Variants in PCDH15 observed in about 807,000 individuals in gnomAD.
PCDH15 encodes the protein protocadherin related 15.
In PCDH15, 129 loss-of-function variants were observed where a neutral mutation model predicts 178.5. That is an observed-to-expected ratio of 0.72 (90% confidence interval 0.63 to 0.84). The LOEUF is 0.84. PCDH15 is among the 40% of genes least tolerant of loss of function. PCDH15 has a pLI of 0.00. For missense variants in PCDH15, 2,230 were observed against 2,099.9 expected (o/e 1.06, Z -1.21); for synonymous variants, 800 against 732.0 (o/e 1.09, Z -1.50).
At chr10:54,988,483 T>C (rs950093582) in intron 2 of PCDH15, among the ~76,000 whole-genome samples, 2 of 152,096 alleles carry the variant, frequency 1.3e-5, no homozygotes, top group Admixed American at 1.3e-4. Flanking sequence ...AGGTTGATAG[T>C]GATATGGACA....
intron 2 of PCDH15, among the ~76,000 whole-genome samples, chr10:55,443,720 G>C (rs1839249426): frequency 6.6e-6 from 1 of 152,154 alleles, no homozygotes; most frequent in Admixed American, 6.6e-5. Flanking sequence ...GTTGAAGACA[G>C]TGTGGTGATT....
intron 2 of PCDH15, among the ~76,000 whole-genome samples, chr10:54,588,289 C>A (rs927495922): frequency 6.6e-6 from 1 of 152,066 alleles, no homozygotes; most frequent in Non-Finnish European, 1.5e-5. Context: ...AAAGGCATCC[C>A]AACTGGTGAC....
chr10:54,097,454 G>T (rs1161500978), intron 15 of PCDH15, among the ~76,000 whole-genome samples: 1 of 152,078 alleles, frequency 6.6e-6, no homozygotes, highest in Non-Finnish European at 1.5e-5. Flanking sequence ...TTGCTGTAAG[G>T]TCACTTTCTT....
chr10:54,018,834 G>C (rs1033656754), intron 20 of PCDH15, among the ~76,000 whole-genome samples: 3 of 151,902 alleles, frequency 2.0e-5, no homozygotes, highest in African/African-American at 7.3e-5. Context: ...ATAGAAACTT[G>C]ATATCTATAG....
At chr10:55,034,244 G>A (rs1284092048) in intron 2 of PCDH15, among the ~76,000 whole-genome samples, 1 of 152,100 alleles carries the variant, frequency 6.6e-6, no homozygotes, top group Non-Finnish European at 1.5e-5. Context: ...GACCCAACAA[G>A]TGAAGGGTTA....
intron 3 of PCDH15, among the ~76,000 whole-genome samples, chr10:54,491,041 T>C (rs972299029): frequency 6.6e-6 from 1 of 152,122 alleles, no homozygotes; most frequent in Non-Finnish European, 1.5e-5. Context: ...ATGTGAACTT[T>C]AGGAAATGCA....
intron 2 of PCDH15, among the ~76,000 whole-genome samples, chr10:55,396,065 T>TA (rs35866724): frequency 1.1e-4 from 16 of 152,158 alleles, no homozygotes; most frequent in Admixed American, 2.6e-4. Flanking sequence ...ATTCGTTAGA[T>TA]AAAAAATAGA....
intron 8 of PCDH15, among the ~76,000 whole-genome samples, chr10:54,307,081 C>CATACAT (rs1564922349): frequency 5.2e-4 from 6 of 11,568 alleles, no homozygotes; most frequent in East Asian, 3.3e-3. Flanking sequence ...TATATATATA[C>CATACAT]ATATATATAT....
At chr10:54,908,042 GA>G (rs1954756636) in intron 2 of PCDH15, among the ~76,000 whole-genome samples, 1 of 152,176 alleles carries the variant, frequency 6.6e-6, no homozygotes, top group African/African-American at 2.4e-5. Flanking sequence ...ATTGTTATGG[GA>G]TCCTCAGGGT....
rs983075268 is a variant in PCDH15 at position 55,438,804 on chromosome 10, G to A, written c.-156+188821C>T. Among the ~76,000 whole-genome samples, 4 of 151,766 alleles carry A rather than the reference G, an allele frequency of 2.6e-5. 1 individual carries two copies. The highest frequency in any genetic ancestry group is 9.7e-5 in the African/African-American group (4 of 41,368). On this transcript the variant is annotated intron_variant, in intron 2 of 5. Transcript: ENST00000613346. ...TTGTTCTATTAAAGAAATCCTTCCT[G>A]AAATGGGGTCAGGGACTTTGAATCT...
chr10:54,304,282 C>T (rs1379344956), intron 8 of PCDH15, among the ~76,000 whole-genome samples: 1 of 152,040 alleles, frequency 6.6e-6, no homozygotes, highest in Non-Finnish European at 1.5e-5. Flanking sequence ...AAATTGTATT[C>T]GCCTCTATAT....
intron 1 of PCDH15, among the ~76,000 whole-genome samples, chr10:54,671,688 G>A (rs563113102): frequency 6.6e-6 from 1 of 152,214 alleles, no homozygotes; most frequent in South Asian, 2.1e-4. Flanking sequence ...TCTGGATAAT[G>A]CACTTTATAA....
intron 2 of PCDH15, among the ~76,000 whole-genome samples, chr10:54,570,310 G>A (rs1203081595): frequency 1.3e-5 from 2 of 152,044 alleles, no homozygotes; most frequent in Admixed American, 6.6e-5. Flanking sequence ...CTGGAAAGTA[G>A]AGTATTGAAA....
intron 3 of PCDH15, among the ~76,000 whole-genome samples, chr10:54,429,293 T>C (rs772056686): frequency 3.9e-5 from 6 of 152,226 alleles, no homozygotes; most frequent in Non-Finnish European, 8.8e-5. Context: ...AAGATAATAT[T>C]TGCAAGCATT....
At chr10:55,098,895 T>TGAGA (rs10535301) in intron 2 of PCDH15, among the ~76,000 whole-genome samples, 1,876 of 120,234 alleles carry the variant, frequency 0.016, 91 homozygotes, top group African/African-American at 0.059. Context: ...AAAACTTCAA[T>TGAGA]GAGAGAGAGA....
chr10:55,504,419 C>A (rs1052088136), intron 2 of PCDH15, among the ~76,000 whole-genome samples: 1 of 151,260 alleles, frequency 6.6e-6, no homozygotes, highest in Non-Finnish European at 1.5e-5. Context: ...TAAATGAGGT[C>A]TCAAAGACAA....
At chr10:54,927,133 G>A (rs1394302328) in intron 2 of PCDH15, among the ~76,000 whole-genome samples, 1 of 152,006 alleles carries the variant, frequency 6.6e-6, no homozygotes, top group Non-Finnish European at 1.5e-5. Context: ...ATTCTGGTGT[G>A]TTGTATACTT....
At chr10:54,947,908 T>C (rs1838232829) in intron 2 of PCDH15, among the ~76,000 whole-genome samples, 1 of 151,956 alleles carries the variant, frequency 6.6e-6, no homozygotes, top group African/African-American at 2.4e-5. Context: ...TTAGGTAGAA[T>C]GAACATGAGA....
At chr10:55,403,158 C>T in intron 2 of PCDH15, among the ~76,000 whole-genome samples, 1 of 151,830 alleles carries the variant, frequency 6.6e-6, no homozygotes, top group Admixed American at 6.6e-5. Context: ...TGAAGAATAC[C>T]TATTCAGATT....
Sources: gnomAD v4.1 joint callset for allele counts (sites outside exome capture counted in the v4.1 genomes callset) on GRCh38, gnomAD v4.1.1 for gene constraint, MANE v1.5 for transcripts, NCBI Gene and HGNC (gene_info 2026-07-23, HGNC 2026-07-21) for gene names.